The following SHOC1 variants were observed in gnomAD, a reference collection of about 807,000 sequenced individuals.
SHOC1 encodes protein shortage in chiasmata 1 ortholog.
SHOC1 carries 136 observed loss-of-function variants against 179.2 expected under a neutral mutation model. That is an observed-to-expected ratio of 0.76 (90% CI 0.66 to 0.87). The LOEUF (loss-of-function observed/expected upper bound fraction) is 0.87. Among genes scored for constraint, SHOC1 ranks in the 40% least tolerant of loss-of-function variants. SHOC1 has a pLI of 0.00. For missense variants in SHOC1, 1,538 were observed against 1,700.8 expected (o/e 0.90, Z 1.68); for synonymous variants, 489 against 586.6 (o/e 0.83, Z 2.41).
intron 12 of SHOC1, among the ~76,000 whole-genome samples, chr9:111,733,731 G>A (rs1833693447): frequency 6.6e-6 from 1 of 152,074 alleles, no homozygotes; most frequent in South Asian, 2.1e-4. Flanking sequence ...AGCCAGGCAC[G>A]GTGGCGCGTG....
chr9:111,785,110 G>A (rs891341542), intron 3 of SHOC1, among the ~76,000 whole-genome samples: 8 of 152,036 alleles, frequency 5.3e-5, no homozygotes, highest in Non-Finnish European at 1.0e-4. Context: ...CATCAAGTTC[G>A]TTCTTGAGTC....
intron 5 of SHOC1, among the ~76,000 whole-genome samples, chr9:111,774,577 C>G (rs987597573): frequency 2.6e-5 from 4 of 152,106 alleles, no homozygotes; most frequent in Admixed American, 2.6e-4. Context: ...ACTGAAAATT[C>G]AAGTCTTCTG....
chr9:111,721,363 G>A (rs186325062), intron 15 of SHOC1, among the ~76,000 whole-genome samples: 54 of 152,190 alleles, frequency 3.5e-4, no homozygotes, highest in African/African-American at 1.0e-3. Context: ...GTTTTGAGAC[G>A]AAGTCTCACT....
At chr9:111,773,532 G>T (rs1293780130) in intron 5 of SHOC1, among the ~76,000 whole-genome samples, 1 of 152,018 alleles carries the variant, frequency 6.6e-6, no homozygotes, top group Non-Finnish European at 1.5e-5. Flanking sequence ...GGCTGGTTTC[G>T]AACGCCTGAC....
At position 111,748,144 on chromosome 9, in the gene SHOC1, T is replaced by C. The variant is rs1374056854; in HGVS notation, c.918A>G (p.Thr306=). The C allele has an allele frequency of 1.9e-6, 3 of 1,613,798 alleles. No individual in the cohort carries two copies. Among genetic ancestry groups the C allele is most frequent in the Non-Finnish European group, 2.5e-6 (3 of 1,179,928 alleles). The change falls in exon 9 of 28, where the codon ACA becomes ACG. Residue 306 remains threonine, a synonymous_variant. Coordinates refer to ENST00000682961, the MANE Select transcript of SHOC1 (RefSeq NM_001378211.1). ...TCTGGCTTTGAATGGTCAAAATCTC[T>C]GTGGAGCTGAATTTTATATCCCCGA... The part of the protein sequence containing the change: ...EDIGDIKFSS[T]EILTIQSQSE...
At chr9:111,766,504 G>T (rs1835365773) in intron 5 of SHOC1, among the ~76,000 whole-genome samples, 2 of 152,094 alleles carry the variant, frequency 1.3e-5, no homozygotes, top group African/African-American at 2.4e-5. Flanking sequence ...TTCCACAAAT[G>T]GTGTACAAGA....
chr9:111,779,968 A>C (rs1835974947), intron 4 of SHOC1, among the ~76,000 whole-genome samples: 1 of 152,212 alleles, frequency 6.6e-6, no homozygotes, highest in East Asian at 1.9e-4. Context: ...AGCTTTTTTC[A>C]CTATGCCTTT....
At position 111,686,859 on chromosome 9, in the gene SHOC1, AG is replaced by A; in HGVS notation, c.4437del (p.Ser1480HisfsTer11). The part of the protein sequence containing the change: ...GDKESLTGFM[C>X]SQLPQFKKRR... Reference sequence around the variant, plus strand: ...CGTTTTTTGAATTGTGGTAGTTGTGAGCACATAAAACCTGTTAAAAGGAGAA... The same window carrying A: ...CGTTTTTTGAATTGTGGTAGTTGTGACACATAAAACCTGTTAAAAGGAGAA... On this transcript the variant is annotated frameshift_variant, in exon 28 of 28. Transcript: ENST00000682961. LOFTEE classifies it high-confidence loss of function. The A allele has an allele frequency of 1.2e-6, 2 of 1,611,166 alleles. No homozygotes were observed. Among genetic ancestry groups the A allele is most frequent in the Non-Finnish European group, 8.5e-7 (1 of 1,177,704 alleles).
chr9:111,748,926 T>C (rs568901482), intron 8 of SHOC1, among the ~76,000 whole-genome samples: 20 of 147,100 alleles, frequency 1.4e-4, no homozygotes, highest in South Asian at 4.5e-4. Flanking sequence ...CCTCCTTCCT[T>C]CTCCACCCTA....
intron 22 of SHOC1, among the ~76,000 whole-genome samples, chr9:111,702,495 C>G (rs956507642): frequency 2.0e-5 from 3 of 152,178 alleles, no homozygotes; most frequent in Admixed American, 6.5e-5. Flanking sequence ...TATGGAGTGC[C>G]CCTAGTTTGG....
chr9:111,696,519 A>G (rs776840888), intron 24 of SHOC1, among the ~76,000 whole-genome samples: 46 of 152,234 alleles, frequency 3.0e-4, no homozygotes, highest in Admixed American at 6.5e-4. Flanking sequence ...TGTCCATTGA[A>G]AAAATGACCT....
At chr9:111,724,790 G>A (rs1001673839) in intron 13 of SHOC1, among the ~76,000 whole-genome samples, 4 of 152,130 alleles carry the variant, frequency 2.6e-5, no homozygotes, top group African/African-American at 9.7e-5. Context: ...CTTCTTTACT[G>A]GTACTTGCCA....
chr9:111,772,260 A>G (rs1365694844), intron 5 of SHOC1, among the ~76,000 whole-genome samples: 4 of 152,084 alleles, frequency 2.6e-5, no homozygotes, highest in South Asian at 2.1e-4. Context: ...TTTAAAGTTA[A>G]CTTTAAAAAT....
chr9:111,780,396 C>T (rs1222069056), intron 4 of SHOC1, among the ~76,000 whole-genome samples: 1 of 152,166 alleles, frequency 6.6e-6, no homozygotes, highest in Non-Finnish European at 1.5e-5. Context: ...TTAGATGTTC[C>T]TCCTCATATT....
At chr9:111,770,409 A>T (rs1264936487) in intron 5 of SHOC1, among the ~76,000 whole-genome samples, 2 of 151,888 alleles carry the variant, frequency 1.3e-5, no homozygotes, top group African/African-American at 2.4e-5. Flanking sequence ...TATTTTGAAA[A>T]TTTTTTCAGA....
chr9:111,765,590 A>AAAAACAAAACAAAAC (rs965244863), intron 5 of SHOC1, among the ~76,000 whole-genome samples: 3 of 152,098 alleles, frequency 2.0e-5, no homozygotes, highest in Non-Finnish European at 4.4e-5. Flanking sequence ...ACTCTGACTC[A>AAAAACAAAACAAAAC]AAAACAAAAC....
In SHOC1 at chr9:111,791,397, G is replaced by A. The variant is rs1836439760; in HGVS notation, c.22C>T (p.His8Tyr). The change falls in exon 2 of 28, where the codon CAT (histidine) becomes TAT (tyrosine). Residue 8 changes from histidine to tyrosine, a missense_variant. Transcript: ENST00000682961. The stretch of plus-strand genomic sequence containing the variant: ...ACCTCATATAAATAGTCTATTGCAT[G>A]ATATTTCAATGCTGAAAACATATCT... MFSALKY[H>Y]AIDYLYENVV... 6.8e-7 allele frequency: 1 copy of A among 1,478,068 alleles called. No homozygotes were observed. The highest frequency in any genetic ancestry group is 9.0e-7 in the Non-Finnish European group (1 of 1,110,404). 91.6% of individuals were successfully genotyped at this position (1,478,068 alleles called of 1,614,324 possible). A position where few individuals can be genotyped will look rare whatever the true frequency, so the allele number is the denominator to read the frequency against.
chr9:111,713,771 A>T (rs1454420206), intron 17 of SHOC1, among the ~76,000 whole-genome samples: 1 of 152,204 alleles, frequency 6.6e-6, no homozygotes, highest in African/African-American at 2.4e-5. Context: ...AATTTCTGTT[A>T]AAACTTCATT....
chr9:111,770,098 A>G lies in SHOC1; in HGVS notation c.442+5693T>C, dbSNP rs796739211. On this transcript the variant is annotated intron_variant, in intron 5 of 27. Transcript: ENST00000682961. ...TTGTTCTTTCTTTTCTAGTGCCTTG[A>G]GGTGCAACATTAAGTTATTTTATTT... Among the ~76,000 whole-genome samples, 18 of 144,982 alleles carry G rather than the reference A, an allele frequency of 1.2e-4. 1 individual carries two copies. Among genetic ancestry groups the G allele is most frequent in the African/African-American group, 4.3e-4 (17 of 39,158 alleles).
Sources: allele counts gnomAD v4.1 joint callset (sites outside exome capture counted in the v4.1 genomes callset), GRCh38; gene constraint gnomAD v4.1.1; transcripts MANE v1.5; gene names NCBI Gene and HGNC (gene_info 2026-07-23, HGNC 2026-07-21).